The following PTPRS variants were observed in gnomAD, a reference collection of about 807,000 sequenced individuals.
PTPRS encodes protein tyrosine phosphatase receptor type S.
A neutral mutation model predicts 215.3 loss-of-function variants in PTPRS; 63 were observed. The observed-to-expected ratio is 0.29, with a 90% CI of 0.24 to 0.36. The LOEUF (loss-of-function observed/expected upper bound fraction) is 0.36, where lower values mean the gene tolerates loss of function less well. Ranked by LOEUF, PTPRS falls within the 10% of genes least tolerant of loss-of-function variation. The pLI is 1.00. For missense variants in PTPRS, 2,258 were observed against 2,825.8 expected (o/e 0.80, Z 4.56); for synonymous variants, 1,404 against 1,191.4 (o/e 1.18, Z -3.68).
intron 1 of PTPRS, among the ~76,000 whole-genome samples, chr19:5,290,546 G>T (rs1249901089): frequency 3.3e-5 from 5 of 152,126 alleles, no homozygotes; most frequent in Non-Finnish European, 5.9e-5. Context: ...TATGACCCAG[G>T]CCGGGCAGCA....
intron 3 of PTPRS, 53 bp from the exon 4 acceptor site, chr19:5,273,636 T>A: frequency 6.2e-7 from 1 of 1,608,168 alleles, no homozygotes; most frequent in African/African-American, 1.3e-5. Flanking sequence ...CCCAGGAAGG[T>A]TCCTGTCTAG....
chr19:5,322,151 C>G (rs988799795), intron 1 of PTPRS, among the ~76,000 whole-genome samples: 7 of 152,212 alleles, frequency 4.6e-5, no homozygotes, highest in Non-Finnish European at 1.0e-4. Flanking sequence ...CCCCACGGTC[C>G]CCGCCTGAGC....
intron 13 of PTPRS, among the ~76,000 whole-genome samples, chr19:5,234,321 G>A (rs2043260234): frequency 6.6e-6 from 1 of 152,134 alleles, no homozygotes; most frequent in African/African-American, 2.4e-5. Flanking sequence ...CAGATAGAAT[G>A]TCAAGGGCTT....
In PTPRS at chr19:5,237,026, G is replaced by A. The variant is rs1181011492; in HGVS notation, c.1849+1893C>T. On this transcript the variant is annotated intron_variant, in intron 13 of 37. Coordinates refer to ENST00000262963, the MANE Select transcript of PTPRS (RefSeq NM_002850.4). This position sits in a 1 kb window ranked among gnomAD's most constrained non-coding sequence, Gnocchi z 4.2. ...ACTCCTTCCAGAAAACGCCCAGTCT[G>A]GTTACCTACCTTCCACTCTTCAACT... 6.6e-6 allele frequency among the ~76,000 whole-genome samples: 1 copy of A among 152,182 alleles called. No homozygotes were observed. Among genetic ancestry groups the A allele is most frequent in the Non-Finnish European group, 1.5e-5 (1 of 68,032 alleles).
At chr19:5,284,197 A>G (rs1053207200) in intron 2 of PTPRS, among the ~76,000 whole-genome samples, 25 of 150,690 alleles carry the variant, frequency 1.7e-4, no homozygotes, top group Non-Finnish European at 2.8e-4. Flanking sequence ...CGTCTCTACT[A>G]AAAATACAAA....
Position 5,219,869 on chromosome 19 carries a change from G to A in PTPRS, c.3765+70C>T, listed in dbSNP as rs147453269. 4.5e-5 allele frequency: 68 copies of A among 1,525,336 alleles called. No individual in the cohort carries two copies. In the East Asian group the frequency reaches 1.5e-3, roughly 34 times the overall value. The allele number at this position is 1,525,336 out of a possible 1,614,324, so 94.5% of individuals were successfully genotyped here. A position where few individuals can be genotyped will look rare whatever the true frequency, so the allele number is the denominator to read the frequency against. On this transcript the variant is annotated intron_variant, in intron 22 of 37. Coordinates refer to ENST00000262963, the MANE Select transcript of PTPRS (RefSeq NM_002850.4). ...CCTGTGACTGACCACAGAGGTCAGG[G>A]CCCTGGGGAATGGGGTCTGCCTCAT...
chr19:5,252,574 C>CAA lies in PTPRS; in HGVS notation c.718+3532_718+3533dup, dbSNP rs56215560. Among the ~76,000 whole-genome samples the CAA allele has an allele frequency of 7.3e-4, 49 of 66,778 alleles. 1 individual carries two copies. The highest frequency in any genetic ancestry group is 2.5e-3 in the African/African-American group (38 of 15,074). The allele number at this position is 66,778 out of a possible 152,430, so 43.8% of individuals were successfully genotyped here. ...CCTGGGCAACACAGTGAGATTCTGT[C>CAA]AAAAAAAAAAAAAAAAAAAAAAAGG... On this transcript the variant is annotated intron_variant, in intron 9 of 37. Coordinates refer to ENST00000262963, the MANE Select transcript of PTPRS (RefSeq NM_002850.4).
At position 5,274,063 on chromosome 19, in the gene PTPRS, G is replaced by A. The variant is rs1805113443; in HGVS notation, c.237+136C>T. On this transcript the variant is annotated intron_variant, in intron 3 of 37. Transcript: ENST00000262963. ...GCGGGCAGGGCCCTGGCTGGAGGCT[G>A]CGCAGCCATGCTTGCTTGGCCACAG... 1.4e-5 allele frequency: 18 copies of A among 1,249,586 alleles called. No individual in the cohort carries two copies. The Middle Eastern group carries it at 8.5e-4, about 59-fold the overall frequency. The allele number at this position is 1,249,586 out of a possible 1,614,324, so 77.4% of individuals were successfully genotyped here.
Position 5,221,043 on chromosome 19 carries a change from T to C in PTPRS, c.3412A>G (p.Ile1138Val), listed in dbSNP as rs2041936961. Residue 1138 changes from isoleucine (I) to valine (V), a missense_variant, in exon 20 of 38, where the codon ATC becomes GTC. Ile to Val is a conservative substitution (Grantham distance 29, BLOSUM62 3). Around this residue, in one of 6 missense-constraint regions of PTPRS, gnomAD observed 927 missense variants for 1,125.9 expected, o/e 0.82. Transcript: ENST00000262963. ...TGGCCGTCAGGAAGATACACCATGA[T>C]GAAGCCGTCAGCATCAGGCTTGGGG... is the stretch of plus-strand genomic sequence containing the variant. ...VAPKPDADGF[I>V]MVYLPDGQSP... The C allele has an allele frequency of 1.9e-6, 3 of 1,613,586 alleles. No homozygotes were observed. The highest frequency in any genetic ancestry group is 8.5e-7 in the Non-Finnish European group (1 of 1,179,876).
In PTPRS at chr19:5,213,835, G is replaced by A. The variant is rs541325786; in HGVS notation, c.4614+526C>T. On this transcript the variant is annotated intron_variant, in intron 30 of 37. Coordinates refer to ENST00000262963, the MANE Select transcript of PTPRS (RefSeq NM_002850.4). ...TCATGACAATAACAAATGTCTCCTG[G>A]ATGGCAGAATTGTCCTAATTCAGAA... 6.6e-5 allele frequency among the ~76,000 whole-genome samples: 10 copies of A among 152,306 alleles called. No individual in the cohort carries two copies. In the East Asian group the frequency reaches 1.9e-3, roughly 29 times the overall value.
chr19:5,333,503 T>TCACACACACACACACA (rs35443727), intron 1 of PTPRS, among the ~76,000 whole-genome samples: 2 of 147,726 alleles, frequency 1.4e-5, no homozygotes, highest in African/African-American at 5.0e-5. Context: ...GTGAGTCCTG[T>TCACACACACACACACA]CACACACACA....
chr19:5,227,293 C>T (rs1217811725), intron 16 of PTPRS, among the ~76,000 whole-genome samples: 1 of 152,130 alleles, frequency 6.6e-6, no homozygotes, highest in Non-Finnish European at 1.5e-5. Context: ...TCAAGTGATC[C>T]GCCTGCCTCT....
Position 5,257,481 on chromosome 19 carries a change from TG to T in PTPRS, c.706+535del. 2.3e-6 allele frequency: 1 copy of T among 444,046 alleles called. No homozygotes were observed. The highest frequency in any genetic ancestry group is 4.5e-6 in the Non-Finnish European group (1 of 222,534). The allele number at this position is 444,046 out of a possible 1,614,324, so 27.5% of individuals were successfully genotyped here. ...AGGCGCCGGGCTCCGGACCAGCTGG[TG>T]GGGGGTGGGAGGGGCAGCCTCGAAG... On this transcript the variant is annotated intron_variant, in intron 8 of 37. Coordinates refer to ENST00000262963, the MANE Select transcript of PTPRS (RefSeq NM_002850.4). The surrounding 1 kb of genome is among the most constrained non-coding windows in gnomAD (Gnocchi z 4.4).
In PTPRS at chr19:5,233,309, CCTA is replaced by C. The variant is rs1313033996; in HGVS notation, c.1850-1697_1850-1695del. Among the ~76,000 whole-genome samples the C allele has an allele frequency of 5.9e-5, 9 of 151,692 alleles. No individual in the cohort carries two copies. In the East Asian group the frequency reaches 9.7e-4, roughly 16 times the overall value. ...AGTAAAAGCATCTATTTATTGAACA[CCTA>C]CTATGTGCCAGGTACCATGCCAAGG... On this transcript the variant is annotated intron_variant, in intron 13 of 37. Coordinates refer to ENST00000262963, the MANE Select transcript of PTPRS (RefSeq NM_002850.4).
At chr19:5,265,402 C>A (rs779520565) in intron 4 of PTPRS, among the ~76,000 whole-genome samples, 98 of 152,244 alleles carry the variant, frequency 6.4e-4, no homozygotes, top group Non-Finnish European at 1.1e-3. Flanking sequence ...AGTACAGTGG[C>A]TCGATCATAG....
rs866795178 is a variant in PTPRS at position 5,322,919 on chromosome 19, A to G, written c.-95+17745T>C. On this transcript the variant is annotated intron_variant, in intron 1 of 37. Coordinates refer to ENST00000262963, the MANE Select transcript of PTPRS (RefSeq NM_002850.4). ...AAAAAAAGAAGAAGAAGAAGAAGAA[A>G]AAGAAAAAACAGACCTCATGCATTT... Among the ~76,000 whole-genome samples, 342 of 143,384 alleles carry G rather than the reference A, an allele frequency of 2.4e-3. 2 individuals carry two copies. The highest frequency in any genetic ancestry group is 8.4e-3 in the African/African-American group (332 of 39,372). 94.1% of individuals were successfully genotyped at this position (143,384 alleles called of 152,430 possible).
chr19:5,263,155 G>A (rs1482593484), intron 5 of PTPRS, among the ~76,000 whole-genome samples, 183 bp from the exon 6 acceptor site: 2 of 152,072 alleles, frequency 1.3e-5, no homozygotes, highest in Non-Finnish European at 2.9e-5. Flanking sequence ...CCTAGCAGGC[G>A]CTAGACATTC....
rs201357930 is a variant in PTPRS, at chr19:5,222,821, C to T, written c.2971G>A (p.Ala991Thr). ...TELPAAAEPG[A>T]ENALTLQGLK... ...CCCTGCAGCGTGAGCGCGTTCTCCG[C>T]GCCCGGCTCAGCCGCTGCCGGCAGC... is the stretch of plus-strand genomic sequence containing the variant. The change falls in exon 18 of 38, where the codon GCG (alanine) becomes ACG (threonine). Residue 991 changes from alanine (A) to threonine (T), a missense_variant. Physicochemically the swap from Ala to Thr is moderately conservative, Grantham distance 58. Coordinates refer to ENST00000262963, the MANE Select transcript of PTPRS (RefSeq NM_002850.4). The T allele has an allele frequency of 6.0e-5, 96 of 1,595,802 alleles. No individual in the cohort carries two copies. Among genetic ancestry groups the T allele is most frequent in the Non-Finnish European group, 7.0e-5 (82 of 1,177,408 alleles).
At chr19:5,233,019 G>C (rs2145708863) in intron 13 of PTPRS, among the ~76,000 whole-genome samples, 1 of 152,108 alleles carries the variant, frequency 6.6e-6, no homozygotes, top group Middle Eastern at 3.5e-3. Flanking sequence ...CTATATGCCA[G>C]GCACCACGCC....
Sources: gnomAD v4.1 joint callset for allele counts (sites outside exome capture counted in the v4.1 genomes callset) on GRCh38, gnomAD v4.1.1 for gene constraint, gnomAD v4.1.1 regional missense constraint, Gnocchi (gnomAD v3.1) non-coding constraint, MANE v1.5 for transcripts, NCBI Gene and HGNC (gene_info 2026-07-23, HGNC 2026-07-21) for gene names.